The following ERBB4 variants were observed in gnomAD, a reference collection of about 807,000 sequenced individuals.
ERBB4 encodes the protein receptor tyrosine-protein kinase erbB-4.
ERBB4 carries 42 observed loss-of-function variants against 158.0 expected under a neutral mutation model. The observed-to-expected ratio is 0.27, with a 90% CI of 0.21 to 0.34. The LOEUF is 0.34. Among genes scored for constraint, ERBB4 ranks in the 10% least tolerant of loss-of-function variants. The pLI is 1.00. For synonymous variants in ERBB4, 583 were observed against 558.7 expected, an observed-to-expected ratio of 1.04 and a Z score of -0.61; for missense variants, 1,333 against 1,624.1, an observed-to-expected ratio of 0.82 and a Z score of 3.08.
intron 1 of ERBB4, among the ~76,000 whole-genome samples, chr2:212,379,468 T>C (rs1378353287): frequency 6.6e-6 from 1 of 151,594 alleles, no homozygotes; most frequent in Non-Finnish European, 1.5e-5. Context: ...CAATAAAAAA[T>C]ATGGAAATAG....
chr2:211,551,246 C>T (rs1276290720), intron 20 of ERBB4, among the ~76,000 whole-genome samples: 3 of 152,270 alleles, frequency 2.0e-5, no homozygotes, highest in African/African-American at 7.2e-5. Flanking sequence ...CGCTGACATA[C>T]ACAAAAGGTC....
chr2:211,436,778 A>C (rs1390544602), intron 20 of ERBB4, among the ~76,000 whole-genome samples: 1 of 152,214 alleles, frequency 6.6e-6, no homozygotes, highest in Non-Finnish European at 1.5e-5. Context: ...CAATTTCAGA[A>C]TTATTATTAT....
chr2:212,096,934 C>A (rs2078949593), intron 2 of ERBB4, among the ~76,000 whole-genome samples: 1 of 152,106 alleles, frequency 6.6e-6, no homozygotes, highest in African/African-American at 2.4e-5. Context: ...TTATTATGTG[C>A]AATATCTATT....
chr2:212,230,953 A>T (rs1253163624), intron 1 of ERBB4, among the ~76,000 whole-genome samples: 1 of 152,192 alleles, frequency 6.6e-6, no homozygotes, highest in African/African-American at 2.4e-5. Flanking sequence ...TGATTCACTG[A>T]TACCTAAAAA....
intron 2 of ERBB4, among the ~76,000 whole-genome samples, chr2:212,078,429 TATTATTGAAC>T (rs1312209479): frequency 6.6e-6 from 1 of 152,016 alleles, no homozygotes; most frequent in East Asian, 1.9e-4. Flanking sequence ...GATAATATCC[TATTATTGAAC>T]AAAAATAAGC....
intron 3 of ERBB4, among the ~76,000 whole-genome samples, chr2:211,934,865 T>A (rs1306064785): frequency 6.9e-6 from 1 of 145,968 alleles, no homozygotes; most frequent in African/African-American, 2.5e-5. Context: ...AATCTGTATC[T>A]CTTTTAGAAT....
chr2:212,003,322 T>TAA (rs71054161), intron 2 of ERBB4, among the ~76,000 whole-genome samples: 47,365 of 129,664 alleles, frequency 0.37, 10,481 homozygotes, highest in Non-Finnish European at 0.5. Flanking sequence ...AGCTGAATGG[T>TAA]AAAAAAAAAA....
chr2:211,962,975 G>A (rs2081218870), intron 2 of ERBB4, among the ~76,000 whole-genome samples: 2 of 152,078 alleles, frequency 1.3e-5, no homozygotes, highest in Admixed American at 6.6e-5. Flanking sequence ...CTGTATATCT[G>A]TTAAATATGG....
intron 8 of ERBB4, among the ~76,000 whole-genome samples, chr2:211,713,158 T>C (rs1468961657): frequency 6.6e-6 from 1 of 152,186 alleles, no homozygotes; most frequent in Non-Finnish European, 1.5e-5. Flanking sequence ...CTTTTTATGC[T>C]TAGCAGATAA....
chr2:211,464,862 C>T (rs1268147077), intron 20 of ERBB4, among the ~76,000 whole-genome samples: 1 of 151,900 alleles, frequency 6.6e-6, no homozygotes, highest in Non-Finnish European at 1.5e-5. Flanking sequence ...TAGAACTTAG[C>T]CAGGAGACTT....
At chr2:212,027,828 T>C (rs1197550766) in intron 2 of ERBB4, among the ~76,000 whole-genome samples, 1 of 152,142 alleles carries the variant, frequency 6.6e-6, no homozygotes, top group Non-Finnish European at 1.5e-5. Flanking sequence ...GTCTTTATTT[T>C]TTTTTCAATA....
intron 7 of ERBB4, among the ~76,000 whole-genome samples, chr2:211,719,636 A>G (rs1318795524): frequency 6.6e-6 from 1 of 152,044 alleles, no homozygotes; most frequent in Non-Finnish European, 1.5e-5. Flanking sequence ...CGGGCTAATC[A>G]CAAGGTCAGG....
chr2:211,948,647 GT>G (rs1293325036), intron 2 of ERBB4, among the ~76,000 whole-genome samples: 1 of 151,448 alleles, frequency 6.6e-6, no homozygotes, highest in Non-Finnish European at 1.5e-5. Context: ...ATGATAAATA[GT>G]TGTCAGAATT....
intron 25 of ERBB4, among the ~76,000 whole-genome samples, chr2:211,409,464 T>C (rs1449061571): frequency 6.6e-6 from 1 of 152,204 alleles, no homozygotes; most frequent in Non-Finnish European, 1.5e-5. Flanking sequence ...GTAAGGATCA[T>C]TTTATCTTCA....
chr2:212,335,194 G>T (rs371132276), intron 1 of ERBB4, among the ~76,000 whole-genome samples: 2 of 151,738 alleles, frequency 1.3e-5, no homozygotes, highest in Non-Finnish European at 2.9e-5. Context: ...AACGATAAAG[G>T]TTCTAAAATT....
chr2:212,182,309 G>C (rs943289742), intron 1 of ERBB4, among the ~76,000 whole-genome samples: 1 of 151,700 alleles, frequency 6.6e-6, no homozygotes, highest in African/African-American at 2.4e-5. Flanking sequence ...GAACCCAACT[G>C]GTATCCCACA....
At chr2:211,823,768 C>G (rs1316854112) in intron 3 of ERBB4, among the ~76,000 whole-genome samples, 1 of 151,924 alleles carries the variant, frequency 6.6e-6, no homozygotes, top group East Asian at 1.9e-4. Context: ...AATTTTTGTC[C>G]TCTGATAAGG....
intron 20 of ERBB4, among the ~76,000 whole-genome samples, chr2:211,546,008 A>G (rs1365152140): frequency 3.3e-5 from 5 of 152,198 alleles, no homozygotes; most frequent in African/African-American, 1.2e-4. Flanking sequence ...CTCCCTTTCC[A>G]TAACTACACA....
chr2:212,077,159 G>C (rs540638747), intron 2 of ERBB4, among the ~76,000 whole-genome samples: 3 of 152,062 alleles, frequency 2.0e-5, no homozygotes, highest in Non-Finnish European at 4.4e-5. Context: ...AAAGATATGG[G>C]ACAATGGGAA....
Sources: gnomAD v4.1 joint callset for allele counts (sites outside exome capture counted in the v4.1 genomes callset) on GRCh38, gnomAD v4.1.1 for gene constraint, MANE v1.5 for transcripts, NCBI Gene and HGNC (gene_info 2026-07-23, HGNC 2026-07-21) for gene names.